Variants in SUGCT observed in about 807,000 individuals in gnomAD.
SUGCT encodes succinyl-CoA:glutarate CoA-transferase.
SUGCT carries 41 observed loss-of-function variants against 55.0 expected under a neutral mutation model. The ratio of observed to expected loss-of-function variants is 0.74; its 90% CI spans 0.58 to 0.97. The LOEUF is 0.97. SUGCT is among the 50% of genes least tolerant of loss of function. SUGCT has a pLI of 0.00. For missense variants in SUGCT, 568 were observed against 547.8 expected (o/e 1.04, Z -0.37); for synonymous variants, 187 against 200.4 (o/e 0.93, Z 0.56).
At chr7:40,800,214 G>T (rs1467363848) in intron 13 of SUGCT, among the ~76,000 whole-genome samples, 1 of 151,980 alleles carries the variant, frequency 6.6e-6, no homozygotes, top group Non-Finnish European at 1.5e-5. Context: ...TGGATGATGG[G>T]TGTGGCCTTG....
intron 12 of SUGCT, among the ~76,000 whole-genome samples, chr7:40,520,452 C>T (rs1793471758): frequency 6.6e-6 from 1 of 152,032 alleles, no homozygotes; most frequent in Non-Finnish European, 1.5e-5. Context: ...ATATCTATCT[C>T]CCAAGGTTAT....
At chr7:41,002,563 G>A in the SUGCT span, among the ~76,000 whole-genome samples, 1 of 152,136 alleles carries the variant, frequency 6.6e-6, no homozygotes, top group South Asian at 2.1e-4. Context: ...GGGCTGCCTG[G>A]CATGATTGAG....
intron 12 of SUGCT, among the ~76,000 whole-genome samples, chr7:40,676,797 C>G (rs1784007099): frequency 6.6e-6 from 1 of 152,130 alleles, no homozygotes; most frequent in African/African-American, 2.4e-5. Flanking sequence ...GCCACCACGC[C>G]TGGCCTATTC....
intron 12 of SUGCT, among the ~76,000 whole-genome samples, chr7:40,511,917 A>C (rs1179466816): frequency 1.3e-5 from 2 of 152,134 alleles, no homozygotes; most frequent in Non-Finnish European, 1.5e-5. Context: ...TTTATTTTTG[A>C]TGCCTGAGGA....
intron 12 of SUGCT, among the ~76,000 whole-genome samples, chr7:40,528,844 A>G (rs999405821): frequency 3.9e-5 from 6 of 152,206 alleles, no homozygotes; most frequent in African/African-American, 2.4e-5. Context: ...ACAATAAACA[A>G]TAGAGTCATC....
intron 8 of SUGCT, among the ~76,000 whole-genome samples, chr7:40,305,803 A>T (rs1302323517): frequency 6.6e-6 from 1 of 152,068 alleles, no homozygotes; most frequent in Non-Finnish European, 1.5e-5. Context: ...CTAGTTCTAC[A>T]GGTGCACACC....
At chr7:40,164,294 A>G (rs936423144) in intron 1 of SUGCT, among the ~76,000 whole-genome samples, 4 of 151,712 alleles carry the variant, frequency 2.6e-5, no homozygotes, top group African/African-American at 9.7e-5. Flanking sequence ...TGCCCAGCTA[A>G]TTTTTTTGTA....
chr7:40,211,534 C>A (rs1787333687), intron 6 of SUGCT, among the ~76,000 whole-genome samples: 2 of 152,116 alleles, frequency 1.3e-5, no homozygotes, highest in Admixed American at 6.6e-5. Flanking sequence ...TTATTTATTA[C>A]ATACACGAGG....
At chr7:40,787,975 T>C (rs1790114228) in intron 13 of SUGCT, among the ~76,000 whole-genome samples, 1 of 151,768 alleles carries the variant, frequency 6.6e-6, no homozygotes, top group Non-Finnish European at 1.5e-5. Context: ...GCTGGCGAGG[T>C]GTTAGAGACC....
intron 13 of SUGCT, among the ~76,000 whole-genome samples, chr7:40,757,920 A>G (rs1265805661): frequency 4.6e-5 from 7 of 152,226 alleles, no homozygotes; most frequent in Non-Finnish European, 1.0e-4. Flanking sequence ...AACTTTAAGT[A>G]CTGACTTTAC....
At chr7:40,288,579 G>A (rs777373683) in intron 8 of SUGCT, among the ~76,000 whole-genome samples, 21 of 151,792 alleles carry the variant, frequency 1.4e-4, no homozygotes, top group Non-Finnish European at 2.5e-4. Context: ...TTTTGCCAGT[G>A]TTCTTGTTGC....
the SUGCT span, among the ~76,000 whole-genome samples, chr7:40,946,963 A>C: frequency 6.6e-6 from 1 of 152,282 alleles, no homozygotes; most frequent in Non-Finnish European, 1.5e-5. Context: ...TATCCTACTT[A>C]GAATTAGTTG....
intron 12 of SUGCT, among the ~76,000 whole-genome samples, chr7:40,672,650 T>C (rs1266565726): frequency 6.6e-5 from 10 of 152,146 alleles, no homozygotes; most frequent in Admixed American, 6.5e-4. Flanking sequence ...GAATATATCT[T>C]TACTCTATCA....
At chr7:40,971,486 T>C in the SUGCT span, among the ~76,000 whole-genome samples, 1 of 152,082 alleles carries the variant, frequency 6.6e-6, no homozygotes, top group Non-Finnish European at 1.5e-5. Context: ...AGCAGTGAAA[T>C]GCACTGGAAG....
the SUGCT span, among the ~76,000 whole-genome samples, chr7:40,949,210 G>T: frequency 7.8e-4 from 119 of 152,334 alleles, no homozygotes; most frequent in Non-Finnish European, 1.6e-3. Flanking sequence ...GGCCAGTGAT[G>T]ATGAGCAGTT....
At chr7:40,427,908 T>A (rs1201736918) in intron 9 of SUGCT, among the ~76,000 whole-genome samples, 3 of 152,188 alleles carry the variant, frequency 2.0e-5, no homozygotes, top group African/African-American at 7.2e-5. Context: ...TAGGAGGCTC[T>A]CTGTATGCCT....
At chr7:40,475,057 T>C (rs1490256178) in intron 11 of SUGCT, among the ~76,000 whole-genome samples, 1 of 152,244 alleles carries the variant, frequency 6.6e-6, no homozygotes, top group South Asian at 2.1e-4. Context: ...ATGTGCCACG[T>C]TGACTTGCAT....
chr7:40,890,007 C>T, the SUGCT span, among the ~76,000 whole-genome samples: 1 of 151,722 alleles, frequency 6.6e-6, no homozygotes, highest in African/African-American at 2.4e-5. Flanking sequence ...CATATTGCAT[C>T]GTTCACTTAG....
At chr7:40,576,651 C>G (rs1796783347) in intron 12 of SUGCT, among the ~76,000 whole-genome samples, 1 of 152,194 alleles carries the variant, frequency 6.6e-6, no homozygotes. Context: ...CCGGGATTGT[C>G]TTTGATTTGT....
Sources: allele counts gnomAD v4.1 joint callset (sites outside exome capture counted in the v4.1 genomes callset), GRCh38; gene constraint gnomAD v4.1.1; transcripts MANE v1.5; gene names NCBI Gene and HGNC (gene_info 2026-07-23, HGNC 2026-07-21).